The following IGSF21 variants were observed in gnomAD, a reference collection of about 807,000 sequenced individuals.
IGSF21 encodes the protein immunoglobulin superfamily member 21.
A neutral mutation model predicts 46.8 loss-of-function variants in IGSF21; 28 were observed. That is an observed-to-expected ratio of 0.60 (90% CI 0.44 to 0.82). The LOEUF is 0.82. Among genes scored for constraint, IGSF21 ranks in the 40% least tolerant of loss-of-function variants. The probability of loss-of-function intolerance (pLI) is 0.00; values close to 1 mark genes in which losing one functional copy is unlikely to be tolerated. For missense variants in IGSF21, 624 were observed against 665.5 expected (o/e 0.94, Z 0.69); for synonymous variants, 284 against 273.6 (o/e 1.04, Z -0.38).
At chr1:18,191,595 G>A (rs753885018) in intron 1 of IGSF21, among the ~76,000 whole-genome samples, 8 of 152,086 alleles carry the variant, frequency 5.3e-5, no homozygotes, top group Non-Finnish European at 7.4e-5. Flanking sequence ...ATCCCCTGGC[G>A]CGGGAGCACA....
chr1:18,199,974 G>A (rs773280232), intron 1 of IGSF21, among the ~76,000 whole-genome samples: 18 of 152,046 alleles, frequency 1.2e-4, no homozygotes, highest in Non-Finnish European at 2.2e-4. Flanking sequence ...GTAGGAGCGG[G>A]TCCAAGGGGG....
At chr1:18,300,029 A>G in intron 3 of IGSF21, among the ~76,000 whole-genome samples, 1 of 152,172 alleles carries the variant, frequency 6.6e-6, no homozygotes, top group Non-Finnish European at 1.5e-5. Flanking sequence ...GTTCAAAACC[A>G]CACTGGGCAA....
intron 1 of IGSF21, among the ~76,000 whole-genome samples, chr1:18,168,256 C>T (rs1408322988): frequency 1.3e-5 from 2 of 152,124 alleles, no homozygotes; most frequent in South Asian, 2.1e-4. Flanking sequence ...TAAACGCTGC[C>T]ATTAAGTCAC....
intron 1 of IGSF21, among the ~76,000 whole-genome samples, chr1:18,172,702 A>C (rs1389972028): frequency 2.6e-5 from 4 of 152,230 alleles, no homozygotes; most frequent in Admixed American, 2.6e-4. Flanking sequence ...CTGCAAATGC[A>C]GTCACATTGG....
chr1:18,192,355 C>T (rs1006915862), intron 1 of IGSF21, among the ~76,000 whole-genome samples: 3 of 152,250 alleles, frequency 2.0e-5, no homozygotes, highest in African/African-American at 7.2e-5. Flanking sequence ...ATTAGTGAAT[C>T]TCTCCCTGTG....
At chr1:18,268,432 G>A (rs184034355) in intron 2 of IGSF21, among the ~76,000 whole-genome samples, 157 of 152,348 alleles carry the variant, frequency 1.0e-3, no homozygotes, top group African/African-American at 3.6e-3. Flanking sequence ...ATTCCCAGCT[G>A]CTGTAAGTGC....
At chr1:18,152,587 C>T (rs555258923) in intron 1 of IGSF21, among the ~76,000 whole-genome samples, 7 of 152,262 alleles carry the variant, frequency 4.6e-5, no homozygotes, top group African/African-American at 1.4e-4. Context: ...GCATCCGAAC[C>T]TTTGCAGGGT....
intron 2 of IGSF21, among the ~76,000 whole-genome samples, chr1:18,255,846 T>C (rs1016271137): frequency 6.6e-6 from 1 of 152,194 alleles, no homozygotes; most frequent in Non-Finnish European, 1.5e-5. Flanking sequence ...TTAGTCTGAA[T>C]GTCTGTTACC....
chr1:18,372,631 T>TTG (rs1557666099), intron 6 of IGSF21, among the ~76,000 whole-genome samples: 1 of 149,656 alleles, frequency 6.7e-6, no homozygotes. Flanking sequence ...GATGGATGGA[T>TTG]AGATGGATGG....
rs2085271039 is a variant in IGSF21, at chr1:18,291,900, T to C, written c.218T>C (p.Phe73Ser). Residue 73 changes from phenylalanine (F) to serine (S), a missense_variant, in exon 3 of 10, where the codon TTC (phenylalanine) becomes TCC (serine). Coordinates refer to ENST00000251296, the MANE Select transcript of IGSF21 (RefSeq NM_032880.5). ...TDGGTIKQKIFTFDAMFSTNY... is the reference protein window; with the variant it reads ...TDGGTIKQKISTFDAMFSTNY... ...GGTGGCACCATCAAGCAAAAGATCT[T>C]CACCTTCGACGCCATGTTCTCCACC... The C allele has an allele frequency of 6.2e-7, 1 of 1,613,878 alleles. No homozygotes were observed. Among genetic ancestry groups the C allele is most frequent in the Non-Finnish European group, 8.5e-7 (1 of 1,179,994 alleles).
At chr1:18,265,167 C>T (rs755122152) in intron 2 of IGSF21, among the ~76,000 whole-genome samples, 1 of 152,134 alleles carries the variant, frequency 6.6e-6, no homozygotes, top group Non-Finnish European at 1.5e-5. Flanking sequence ...CAGCCTGGGT[C>T]GATGGGAGGA....
chr1:18,334,828 C>T lies in IGSF21; in HGVS notation c.306-64C>T. On this transcript the variant is annotated intron_variant, in intron 3 of 9. Transcript: ENST00000251296. The surrounding 1 kb of genome is among the most constrained non-coding windows in gnomAD (Gnocchi z 4.3). Reference sequence around the variant, plus strand: ...ACCAGTGGGCATCAGGATGAGTTTCCTTGAACGCTGCCTCACCCAGCCCCA... The same window carrying T: ...ACCAGTGGGCATCAGGATGAGTTTCTTTGAACGCTGCCTCACCCAGCCCCA... 8.0e-7 allele frequency: 1 copy of T among 1,252,406 alleles called. No individual in the cohort carries two copies. The highest frequency in any genetic ancestry group is 1.2e-6 in the Non-Finnish European group (1 of 855,172). 77.6% of individuals were successfully genotyped at this position (1,252,406 alleles called of 1,614,324 possible).
At chr1:18,366,586 C>T (rs570406561) in intron 6 of IGSF21, among the ~76,000 whole-genome samples, 3 of 152,104 alleles carry the variant, frequency 2.0e-5, no homozygotes, top group Non-Finnish European at 4.4e-5. Context: ...TTTGCTGGAT[C>T]GGGTTCGAGA....
chr1:18,269,583 T>TAA (rs2085023578), intron 2 of IGSF21, among the ~76,000 whole-genome samples: 1 of 152,106 alleles, frequency 6.6e-6, no homozygotes, highest in African/African-American at 2.4e-5. Context: ...GTCTGGGAGC[T>TAA]CCATAAGAGT....
At chr1:18,291,625 C>A (rs750406949) in intron 2 of IGSF21, among the ~76,000 whole-genome samples, 6 of 152,206 alleles carry the variant, frequency 3.9e-5, no homozygotes, top group African/African-American at 1.2e-4. Context: ...TGCCGCAGGG[C>A]CTTTGCTGTT....
chr1:18,274,769 T>G (rs1425913342), intron 2 of IGSF21, among the ~76,000 whole-genome samples: 1 of 152,216 alleles, frequency 6.6e-6, no homozygotes, highest in Non-Finnish European at 1.5e-5. Flanking sequence ...CTCGCACTTG[T>G]AATCCCAGCA....
intron 1 of IGSF21, among the ~76,000 whole-genome samples, chr1:18,161,923 T>C (rs1255016442): frequency 1.3e-5 from 2 of 152,142 alleles, no homozygotes; most frequent in Non-Finnish European, 2.9e-5. Context: ...GAGCCTCTGT[T>C]TTCTCATCTG....
chr1:18,329,730 G>A (rs369630621), intron 3 of IGSF21, among the ~76,000 whole-genome samples: 1 of 152,300 alleles, frequency 6.6e-6, no homozygotes, highest in Non-Finnish European at 1.5e-5. Context: ...TGGAGGCAGG[G>A]ACCAAAACCT....
chr1:18,288,491 G>A (rs1189656046), intron 2 of IGSF21, among the ~76,000 whole-genome samples: 2 of 152,222 alleles, frequency 1.3e-5, no homozygotes, highest in South Asian at 2.1e-4. Context: ...TTTCCTTCTC[G>A]GCCGTGAGGC....
Sources: allele counts gnomAD v4.1 joint callset (sites outside exome capture counted in the v4.1 genomes callset), GRCh38; gene constraint gnomAD v4.1.1; non-coding constraint Gnocchi (gnomAD v3.1); transcripts MANE v1.5; gene names NCBI Gene and HGNC (gene_info 2026-07-23, HGNC 2026-07-21).